ABCC3: variants seen among roughly 807,000 people sequenced by gnomAD.
ABCC3 encodes ATP binding cassette subfamily C member 3, also known as ATP-binding cassette sub-family C member 3.
ABCC3 carries 121 observed loss-of-function variants against 165.3 expected under a neutral mutation model. The ratio of observed to expected loss-of-function variants is 0.73; its 90% CI spans 0.63 to 0.85. ABCC3 has a LOEUF of 0.85. Among genes scored for constraint, ABCC3 ranks in the 40% least tolerant of loss-of-function variants. The pLI, the probability that ABCC3 is intolerant of heterozygous loss-of-function variation, is 0.00. For missense variants in ABCC3, 1,869 were observed against 1,964.1 expected (o/e 0.95, Z 0.92); for synonymous variants, 733 against 810.1 (o/e 0.90, Z 1.62).
chr17:50,664,069 A>G lies in ABCC3; in HGVS notation c.1296A>G (p.Ser432=). ...CCCCCTTCCTCAATCTGCTGTGGTC[A>G]GCACCCCTGCAGATCATCCTGGCGA... ...DLAPFLNLLW[S]APLQIILAIY... Residue 432 remains serine (S), a synonymous_variant, in exon 10 of 31, where the codon TCA becomes TCG. Coordinates refer to ENST00000285238, the MANE Select transcript of ABCC3 (RefSeq NM_003786.4). 1 of 1,614,208 alleles carries G rather than the reference A, an allele frequency of 6.2e-7. No individual in the cohort carries two copies. The highest frequency in any genetic ancestry group is 8.5e-7 in the Non-Finnish European group (1 of 1,180,036).
intron 1 of ABCC3, among the ~76,000 whole-genome samples, chr17:50,655,371 A>G (rs1159367486): frequency 7.2e-6 from 1 of 138,362 alleles, no homozygotes; most frequent in African/African-American, 2.7e-5. Flanking sequence ...GCAACACTGC[A>G]CTCCAGCCTG....
intron 11 of ABCC3, among the ~76,000 whole-genome samples, chr17:50,665,708 C>T (rs148121668): frequency 5.3e-4 from 80 of 151,566 alleles, no homozygotes; most frequent in African/African-American, 1.8e-3. Context: ...CGGGTTCAAG[C>T]GATCTTCCTG....
At chr17:50,670,911 A>G (rs1967634410) in intron 17 of ABCC3, among the ~76,000 whole-genome samples, 1 of 152,168 alleles carries the variant, frequency 6.6e-6, no homozygotes, top group Non-Finnish European at 1.5e-5. Flanking sequence ...AACACTGGGG[A>G]AAATTTGGGG....
chr17:50,650,636 C>T (rs757850823), intron 1 of ABCC3, among the ~76,000 whole-genome samples: 11 of 152,184 alleles, frequency 7.2e-5, no homozygotes, highest in African/African-American at 1.4e-4. Flanking sequence ...AACATCCTCA[C>T]GTCTTATAGC....
chr17:50,655,465 A>G (rs975680328), intron 1 of ABCC3, among the ~76,000 whole-genome samples: 2 of 151,990 alleles, frequency 1.3e-5, no homozygotes, highest in Non-Finnish European at 2.9e-5. Context: ...TGATAGAAAG[A>G]AAATGAGCCT....
At chr17:50,667,406 G>A (rs922777875) in intron 11 of ABCC3, 148 bp from the exon 12 acceptor site, 4 of 746,760 alleles carry the variant, frequency 5.4e-6, no homozygotes, top group Middle Eastern at 7.7e-4. Flanking sequence ...CCAAGGCACA[G>A]CACAGGCCCA....
At chr17:50,665,121 T>C (rs769900217) in intron 10 of ABCC3, 32 bp from the exon 11 acceptor site, 6 of 1,593,666 alleles carry the variant, frequency 3.8e-6, no homozygotes, top group African/African-American at 2.7e-5. Flanking sequence ...AATCTGTCCC[T>C]ATGTGTCATC....
chr17:50,655,815 G>C lies in ABCC3; in HGVS notation c.46-17G>C. ...TGTGGGGCTGCCACAGCACTAAACTGTTCTCTGTGTCCCCAGGACTCCAAC... is the reference window on the plus strand; with the variant it reads ...TGTGGGGCTGCCACAGCACTAAACTCTTCTCTGTGTCCCCAGGACTCCAAC... On this transcript the variant is annotated splice_polypyrimidine_tract_variant and intron_variant, in intron 1 of 30. Transcript: ENST00000285238. 1 of 1,613,036 alleles carries C rather than the reference G, an allele frequency of 6.2e-7. No individual in the cohort carries two copies. The highest frequency in any genetic ancestry group is 8.5e-7 in the Non-Finnish European group (1 of 1,179,398).
At chr17:50,658,589 G>C (rs2146608164) in intron 6 of ABCC3, 93 bp downstream of exon 6, 1 of 1,409,958 alleles carries the variant, frequency 7.1e-7, no homozygotes, top group South Asian at 1.2e-5. Context: ...TTAGGGACCG[G>C]GCTGGCCACC....
At chr17:50,668,034 T>G (rs764179322) in intron 13 of ABCC3, 25 bp downstream of exon 13, 3 of 1,598,050 alleles carry the variant, frequency 1.9e-6, no homozygotes, top group Non-Finnish European at 1.7e-6. Flanking sequence ...GGCTGGGGGC[T>G]CTACTGGAGT....
rs1967896262 is a variant in ABCC3 at position 50,679,812 on chromosome 17, G to C, written c.3720G>C (p.Leu1240=). ...VSYSLQVTFA[L]NWMIRMMSDL... ...CCTTTGGCCAGGTGACATTTGCTCT[G>C]AACTGGATGATACGAATGATGTCAG... Residue 1240 remains leucine (L), a synonymous_variant, in exon 26 of 31, where the codon CTG becomes CTC. Coordinates refer to ENST00000285238, the MANE Select transcript of ABCC3 (RefSeq NM_003786.4). 1 of 1,614,006 alleles carries C rather than the reference G, an allele frequency of 6.2e-7. No homozygotes were observed. Among genetic ancestry groups the C allele is most frequent in the African/African-American group, 1.3e-5 (1 of 74,920 alleles).
intron 14 of ABCC3, 22 bp downstream of exon 14, chr17:50,668,539 G>C: frequency 6.3e-7 from 1 of 1,589,298 alleles, no homozygotes; most frequent in Non-Finnish European, 8.6e-7. Context: ...CCCTACCTGG[G>C]CTGCCTGCCC....
intron 26 of ABCC3, among the ~76,000 whole-genome samples, chr17:50,681,696 G>A (rs1218059736): frequency 2.0e-5 from 3 of 152,048 alleles, no homozygotes; most frequent in Admixed American, 1.3e-4. Context: ...TCTGGCCCTC[G>A]CTCCACGGAG....
chr17:50,657,192 G>C lies in ABCC3; in HGVS notation c.486+9G>C. The stretch of plus-strand genomic sequence containing the variant: ...TTTTAGCCAAGGCAGAGGTAAGGTT[G>C]GGGGAGAGGGGAACCTGCCAGGTTT... On this transcript the variant is annotated intron_variant, in intron 4 of 30. Transcript: ENST00000285238. The C allele has an allele frequency of 6.2e-7, 1 of 1,612,864 alleles. No individual in the cohort carries two copies. Among genetic ancestry groups the C allele is most frequent in the Non-Finnish European group, 8.5e-7 (1 of 1,179,348 alleles).
rs766970676 is a variant in ABCC3 at position 50,661,031 on chromosome 17, C to T, written c.915C>T (p.Ala305=). 2 of 1,614,084 alleles carry T rather than the reference C, an allele frequency of 1.2e-6. No homozygotes were observed. Among genetic ancestry groups the T allele is most frequent in the Non-Finnish European group, 1.7e-6 (2 of 1,180,030 alleles). The part of the protein sequence containing the change: ...RKPSFLKALL[A]TFGSSFLISA... ...CCTCCTTCCTGAAGGCCCTGCTGGC[C>T]ACCTTCGGCTCCAGCTTCCTCATCA... Residue 305 remains alanine (A), a synonymous_variant, in exon 8 of 31, where the codon GCC becomes GCT. Coordinates refer to ENST00000285238, the MANE Select transcript of ABCC3 (RefSeq NM_003786.4).
At chr17:50,643,088 A>C (rs1290536855) in intron 1 of ABCC3, among the ~76,000 whole-genome samples, 1 of 152,238 alleles carries the variant, frequency 6.6e-6, no homozygotes, top group Non-Finnish European at 1.5e-5. Flanking sequence ...TCCTCACTTA[A>C]CTGGCTGCCA....
At chr17:50,642,598 A>C (rs1966913642) in intron 1 of ABCC3, among the ~76,000 whole-genome samples, 1 of 152,138 alleles carries the variant, frequency 6.6e-6, no homozygotes, top group Non-Finnish European at 1.5e-5. Context: ...TGGGGAGGTG[A>C]CCAGATGCTG....
rs1967326762 is a variant in ABCC3, at chr17:50,659,301, G to A, written c.739G>A (p.Asp247Asn). The A allele has an allele frequency of 1.2e-6, 2 of 1,613,818 alleles. No homozygotes were observed. Among genetic ancestry groups the A allele is most frequent in the African/African-American group, 2.7e-5 (2 of 75,042 alleles). ...GGACCTCTGGTCCCTAAAGGAAGAGGACAGATCCCAGATGGTGGTGCAGCA... is the reference window on the plus strand; with the variant it reads ...GGACCTCTGGTCCCTAAAGGAAGAGAACAGATCCCAGATGGTGGTGCAGCA... Reference protein sequence around the residue: ...EKDLWSLKEEDRSQMVVQQLL... With the variant: ...EKDLWSLKEENRSQMVVQQLL... The change falls in exon 7 of 31, where the codon GAC (aspartate) becomes AAC (asparagine). Residue 247 changes from aspartate (D) to asparagine (N), a missense_variant. By Grantham distance (23) the Asp-to-Asn change is conservative. Coordinates refer to ENST00000285238, the MANE Select transcript of ABCC3 (RefSeq NM_003786.4).
intron 1 of ABCC3, among the ~76,000 whole-genome samples, chr17:50,653,159 T>A (rs1210573942): frequency 1.4e-5 from 2 of 146,018 alleles, no homozygotes; most frequent in African/African-American, 5.0e-5. Flanking sequence ...CAGCCTGGCC[T>A]ACATGGTGAA....
Sources: gnomAD v4.1 joint callset for allele counts (sites outside exome capture counted in the v4.1 genomes callset) on GRCh38, gnomAD v4.1.1 for gene constraint, MANE v1.5 for transcripts, NCBI Gene and HGNC (gene_info 2026-07-23, HGNC 2026-07-21) for gene names.